TTC9C: variants seen among roughly 807,000 people sequenced by gnomAD.
The protein encoded by TTC9C is tetratricopeptide repeat protein 9C.
TTC9C carries 15 observed loss-of-function variants against 22.5 expected under a neutral mutation model. That is an observed-to-expected ratio of 0.67 (90% CI 0.45 to 1.03). The LOEUF is 1.03. Ranked by LOEUF, TTC9C falls within the 50% of genes least tolerant of loss-of-function variation. TTC9C has a pLI of 0.00. For missense variants in TTC9C, 244 were observed against 214.6 expected, an observed-to-expected ratio of 1.14 and a Z score of -0.86; for synonymous variants, 92 against 86.8, an observed-to-expected ratio of 1.06 and a Z score of -0.33.
In TTC9C at chr11:62,729,940, A is replaced by G. The variant is rs115982881; in HGVS notation, c.238+854A>G. Among the ~76,000 whole-genome samples the G allele has an allele frequency of 5.6e-3, 851 of 152,298 alleles. 10 individuals carry two copies. Among genetic ancestry groups the G allele is most frequent in the African/African-American group, 0.02 (823 of 41,566 alleles). ...AGCTTTAGGTAATTTTGCATGCTAT[A>G]GGGAAAAACTATACTTAAGGTCAGG... On this transcript the variant is annotated intron_variant, in intron 1 of 2. Transcript: ENST00000316461.
intron 1 of TTC9C, among the ~76,000 whole-genome samples, chr11:62,733,709 T>C (rs2083878563): frequency 6.6e-6 from 1 of 151,944 alleles, no homozygotes; most frequent in African/African-American, 2.4e-5. Context: ...AAAAAATTAA[T>C]GGGGCCGGGC....
rs142220887 is a variant in TTC9C at position 62,729,017 on chromosome 11, C to T, written c.169C>T (p.Pro57Ser). 6.2e-7 allele frequency: 1 copy of T among 1,614,110 alleles called. No homozygotes were observed. Among genetic ancestry groups the T allele is most frequent in the Non-Finnish European group, 8.5e-7 (1 of 1,180,034 alleles). Residue 57 changes from proline to serine, a missense_variant, in exon 1 of 3, where the codon CCG becomes TCG. Pro to Ser is a moderately conservative substitution (Grantham distance 74). Transcript: ENST00000316461. Reference protein sequence around the residue: ...SPLPNLGPQGPALTPEQENIL... With the variant: ...SPLPNLGPQGSALTPEQENIL... ...GTTACCTAATCTCGGACCTCAGGGCCCGGCCCTCACGCCTGAACAAGAAAA... is the reference window on the plus strand; with the variant it reads ...GTTACCTAATCTCGGACCTCAGGGCTCGGCCCTCACGCCTGAACAAGAAAA...
chr11:62,729,606 G>C (rs1208760079), intron 1 of TTC9C, among the ~76,000 whole-genome samples: 1 of 128,512 alleles, frequency 7.8e-6, no homozygotes, highest in East Asian at 2.3e-4. Context: ...ACGGAGTTTC[G>C]CTCTTGTTGC....
intron 1 of TTC9C, among the ~76,000 whole-genome samples, chr11:62,730,512 A>G (rs2083836014): frequency 6.6e-6 from 1 of 152,200 alleles, no homozygotes; most frequent in Non-Finnish European, 1.5e-5. Flanking sequence ...GAAACACCCC[A>G]TTGGCATCTC....
rs370287774 is a variant in TTC9C, at chr11:62,738,331, C to T, written c.465C>T (p.Leu155=). The T allele has an allele frequency of 4.3e-6, 7 of 1,613,258 alleles. No individual in the cohort carries two copies. Among genetic ancestry groups the T allele is most frequent in the Non-Finnish European group, 5.9e-6 (7 of 1,179,572 alleles). ...ACCTCCAGCTGACACAGTCAGAACTCAGCAGCTACCATAGAAAAGAGAAGC... is the reference window on the plus strand; with the variant it reads ...ACCTCCAGCTGACACAGTCAGAACTTAGCAGCTACCATAGAAAAGAGAAGC... ...RRYLQLTQSE[L]SSYHRKEKQL... Residue 155 remains leucine (L), a synonymous_variant, in exon 3 of 3, where the codon CTC becomes CTT. Transcript: ENST00000316461.
In TTC9C at chr11:62,728,554, C is replaced by G. The variant is rs918506509; in HGVS notation, c.-295C>G. 3 of 528,576 alleles carry G rather than the reference C, an allele frequency of 5.7e-6. No homozygotes were observed. The highest frequency in any genetic ancestry group is 4.8e-5 in the East Asian group (1 of 20,774). 32.7% of individuals were successfully genotyped at this position (528,576 alleles called of 1,614,324 possible). A position where few individuals can be genotyped will look rare whatever the true frequency, so the allele number is the denominator to read the frequency against. On this transcript the variant is annotated 5_prime_UTR_variant, in exon 1 of 3. Transcript: ENST00000316461. ...GCCTTGCTTGAGTTCTTCGGAAAGT[C>G]TCATCCACCCCCACATCGCCTCTTT...
At chr11:62,736,867 G>A (rs1356127581) in intron 2 of TTC9C, among the ~76,000 whole-genome samples, 1 of 148,848 alleles carries the variant, frequency 6.7e-6, no homozygotes, top group African/African-American at 2.5e-5. Context: ...AAAAAAAAAA[G>A]CGAGTGTCGT....
At chr11:62,735,946 A>G (rs2083906833) in intron 2 of TTC9C, 1 of 152,452 alleles carries the variant, frequency 6.6e-6, no homozygotes, top group South Asian at 2.0e-4. Context: ...ATATATATAT[A>G]AAATAGGCAG....
intron 1 of TTC9C, among the ~76,000 whole-genome samples, chr11:62,730,660 G>A (rs568320159): frequency 1.3e-5 from 2 of 151,726 alleles, no homozygotes; most frequent in Admixed American, 6.6e-5. Flanking sequence ...TGCAACCTCC[G>A]CCTCCCGGGT....
rs192663576 is a variant in TTC9C at position 62,728,508 on chromosome 11, C to A, written c.-341C>A. 6.1e-6 allele frequency: 3 copies of A among 488,214 alleles called. No individual in the cohort carries two copies. The highest frequency in any genetic ancestry group is 5.8e-5 in the African/African-American group (3 of 51,458). The allele number at this position is 488,214 out of a possible 1,614,324, so 30.2% of individuals were successfully genotyped here. Reference sequence around the variant, plus strand: ...GCCAGTGTCCCAGGCGTTCTCACGCCCGCAACAATTCCTGAGTAGGGCCTT... The same window carrying A: ...GCCAGTGTCCCAGGCGTTCTCACGCACGCAACAATTCCTGAGTAGGGCCTT... On this transcript the variant is annotated 5_prime_UTR_variant, in exon 1 of 3. Transcript: ENST00000316461.
At chr11:62,735,644 C>T (rs2083903155) in intron 2 of TTC9C, 80 bp downstream of exon 2, 14 of 1,468,176 alleles carry the variant, frequency 9.5e-6, no homozygotes, top group African/African-American at 1.4e-5. Flanking sequence ...TTTTATTTTA[C>T]TTTGCCAATG....
At position 62,729,104 on chromosome 11, in the gene TTC9C, G is replaced by C; in HGVS notation, c.238+18G>C. ...TCTAGCTGGTAAGAACGGGGCTAAA[G>C]GGTGGCTAGAGAGCATTAAGACAGG... On this transcript the variant is annotated intron_variant, in intron 1 of 2. Coordinates refer to ENST00000316461, the MANE Select transcript of TTC9C (RefSeq NM_173810.4). 1 of 1,607,728 alleles carries C rather than the reference G, an allele frequency of 6.2e-7. No homozygotes were observed. The highest frequency in any genetic ancestry group is 1.3e-5 in the African/African-American group (1 of 74,834).
chr11:62,733,598 T>C (rs927901285), intron 1 of TTC9C, among the ~76,000 whole-genome samples: 2 of 151,998 alleles, frequency 1.3e-5, no homozygotes, highest in Non-Finnish European at 2.9e-5. Flanking sequence ...TAAAAAATTG[T>C]AATTTATCTA....
At position 62,729,030 on chromosome 11, in the gene TTC9C, C is replaced by G. The variant is rs374455960; in HGVS notation, c.182C>G (p.Pro61Arg). ...GGACCTCAGGGCCCGGCCCTCACGC[C>G]TGAACAAGAAAACATATTGCATACC... Reference protein sequence around the residue: ...NLGPQGPALTPEQENILHTTQ... With the variant: ...NLGPQGPALTREQENILHTTQ... The change falls in exon 1 of 3, where the codon CCT becomes CGT. Residue 61 changes from proline to arginine, a missense_variant. Coordinates refer to ENST00000316461, the MANE Select transcript of TTC9C (RefSeq NM_173810.4). The G allele has an allele frequency of 1.1e-5, 18 of 1,614,132 alleles. No homozygotes were observed. The highest frequency in any genetic ancestry group is 1.5e-5 in the Non-Finnish European group (18 of 1,180,032).
chr11:62,735,819 T>A lies in TTC9C; in HGVS notation c.421+255T>A, dbSNP rs1031428862. On this transcript the variant is annotated intron_variant, in intron 2 of 2. Transcript: ENST00000316461. ...TGCTTAATCAGACATACACAATATA[T>A]ATGTTGGTATGTCTGTTTCATATAT... The A allele has an allele frequency of 8.8e-6, 3 of 340,086 alleles. No homozygotes were observed. In the Admixed American group the frequency reaches 1.3e-4, roughly 15 times the overall value. 21.1% of individuals were successfully genotyped at this position (340,086 alleles called of 1,614,324 possible).
intron 1 of TTC9C, among the ~76,000 whole-genome samples, chr11:62,731,838 C>T (rs1227466278): frequency 1.3e-5 from 2 of 151,378 alleles, no homozygotes; most frequent in Non-Finnish European, 1.5e-5. Context: ...CCCACCACCA[C>T]GCCCAGCTAA....
intron 1 of TTC9C, among the ~76,000 whole-genome samples, chr11:62,733,782 A>G (rs2083879276): frequency 6.6e-6 from 1 of 151,922 alleles, no homozygotes; most frequent in Admixed American, 6.6e-5. Context: ...TCACAAGGTC[A>G]GGAGTTCGAG....
In TTC9C at chr11:62,738,316, G is replaced by C; in HGVS notation, c.450G>C (p.Leu150=). 6.2e-7 allele frequency: 1 copy of C among 1,612,872 alleles called. No individual in the cohort carries two copies. Among genetic ancestry groups the C allele is most frequent in the South Asian group, 1.1e-5 (1 of 90,846 alleles). The change falls in exon 3 of 3, where the codon CTG becomes CTC. Residue 150 remains leucine, a synonymous_variant. Transcript: ENST00000316461. Reference sequence around the variant, plus strand: ...CCAACGTCCGGCGGTACCTCCAGCTGACACAGTCAGAACTCAGCAGCTACC... The same window carrying C: ...CCAACGTCCGGCGGTACCTCCAGCTCACACAGTCAGAACTCAGCAGCTACC... ...KDANVRRYLQ[L]TQSELSSYHR...
chr11:62,733,071 T>C, intron 1 of TTC9C: 1 of 1,159,610 alleles, frequency 8.6e-7, no homozygotes, highest in Non-Finnish European at 1.1e-6. Flanking sequence ...TGATTCTTGA[T>C]CTTTCTCAGC....
Sources: allele counts gnomAD v4.1 joint callset (sites outside exome capture counted in the v4.1 genomes callset), GRCh38; gene constraint gnomAD v4.1.1; transcripts MANE v1.5; gene names NCBI Gene and HGNC (gene_info 2026-07-23, HGNC 2026-07-21).